The following ZNHIT2 variants were observed in gnomAD, a reference collection of about 807,000 sequenced individuals.
ZNHIT2 encodes the protein zinc finger HIT domain-containing protein 2.
ZNHIT2 carries 16 observed loss-of-function variants against 18.0 expected under a neutral mutation model. The ratio of observed to expected loss-of-function variants is 0.89; its 90% CI spans 0.60 to 1.35. The LOEUF (loss-of-function observed/expected upper bound fraction) is 1.35. ZNHIT2 is among the 40% of genes most tolerant of loss of function. ZNHIT2 has a pLI of 0.00. For synonymous variants in ZNHIT2, 336 were observed against 269.8 expected (o/e 1.25, Z -2.41); for missense variants, 631 against 566.4 (o/e 1.11, Z -1.16).
In ZNHIT2 at chr11:65,117,684, G is replaced by A. The variant is rs1360968854; in HGVS notation, c.-31C>T. ...CTGGCACCGCGATCTACCTGCGAAC[G>A]CACGCCGGTGGTAGTTCGAAACTTC... On this transcript the variant is annotated 5_prime_UTR_variant, in exon 1 of 1. Coordinates refer to ENST00000310597, the MANE Select transcript of ZNHIT2 (RefSeq NM_014205.4). 2.9e-6 allele frequency: 4 copies of A among 1,356,362 alleles called. No homozygotes were observed. Among genetic ancestry groups the A allele is most frequent in the South Asian group, 1.7e-5 (1 of 57,622 alleles). 84.0% of individuals were successfully genotyped at this position (1,356,362 alleles called of 1,614,324 possible).
At position 65,117,182 on chromosome 11, in the gene ZNHIT2, G is replaced by A. The variant is rs754148530; in HGVS notation, c.472C>T (p.Pro158Ser). 31 of 1,555,328 alleles carry A rather than the reference G, an allele frequency of 2.0e-5. No homozygotes were observed. The highest frequency in any genetic ancestry group is 2.7e-5 in the Non-Finnish European group (31 of 1,156,620). The change falls in exon 1 of 1, where the codon CCT becomes TCT. Residue 158 changes from proline to serine, a missense_variant. Pro to Ser is a moderately conservative substitution (Grantham distance 74). Transcript: ENST00000310597. ...GSDAAELELA[P>S]ARTPPDSVKD... ...ACAGAATCCGGCGGGGTCCTCGCAG[G>A]GGCGAGCTCCAGCTCCGCGGCGTCA...
At position 65,116,906 on chromosome 11, in the gene ZNHIT2, C is replaced by T; in HGVS notation, c.748G>A (p.Ala250Thr). 1 of 1,597,262 alleles carries T rather than the reference C, an allele frequency of 6.3e-7. No individual in the cohort carries two copies. The highest frequency in any genetic ancestry group is 8.5e-7 in the Non-Finnish European group (1 of 1,176,402). Residue 250 changes from alanine (A) to threonine (T), a missense_variant, in exon 1 of 1, where the codon GCC (alanine) becomes ACC (threonine). Physicochemically the swap from Ala to Thr is moderately conservative, Grantham distance 58. Transcript: ENST00000310597. ...GCGAAGACTTGCTGGGCACCCAGGG[C>T]TCCGGAAACGCCGAGCAGTGTGGCA... ...FCATLLGVSG[A>T]LGAQQVFASA...
chr11:65,117,634 C>G lies in ZNHIT2; in HGVS notation c.20G>C (p.Cys7Ser). Reference protein sequence around the residue: MEPAGPCGFCPAGEVQP... With the variant: MEPAGPSGFCPAGEVQP... ...GACCTCCCCCGCCGGGCAGAAGCCA[C>G]AGGGCCCGGCCGGCTCCATGGCAAC... Residue 7 changes from cysteine to serine, a missense_variant, in exon 1 of 1, where the codon TGT (cysteine) becomes TCT (serine). Physicochemically the swap from Cys to Ser is moderately radical, Grantham distance 112. Coordinates refer to ENST00000310597, the MANE Select transcript of ZNHIT2 (RefSeq NM_014205.4). 5 of 1,472,430 alleles carry G rather than the reference C, an allele frequency of 3.4e-6. No individual in the cohort carries two copies. The highest frequency in any genetic ancestry group is 4.5e-6 in the Non-Finnish European group (5 of 1,115,598). 91.2% of individuals were successfully genotyped at this position (1,472,430 alleles called of 1,614,324 possible).
Position 65,117,500 on chromosome 11 carries a change from CCAG to C in ZNHIT2, c.151_153del (p.Leu51del). 1 of 1,586,712 alleles carries C rather than the reference CCAG, an allele frequency of 6.3e-7. No homozygotes were observed. Among genetic ancestry groups the C allele is most frequent in the Non-Finnish European group, 8.5e-7 (1 of 1,174,496 alleles). On this transcript the variant is annotated inframe_deletion, in exon 1 of 1. Transcript: ENST00000310597. Reference sequence around the variant, plus strand: ...GGAGCGCTGCAACCGCGGAGCTCTCCCAGCACCTGGTCACGGTAGAAGTTTTCT... The same window carrying C: ...GGAGCGCTGCAACCGCGGAGCTCTCCCACCTGGTCACGGTAGAAGTTTTCT...
In ZNHIT2 at chr11:65,116,490, G is replaced by A; in HGVS notation, c.1164C>T (p.Gly388=). The A allele has an allele frequency of 2.0e-6, 3 of 1,519,404 alleles. No homozygotes were observed. The highest frequency in any genetic ancestry group is 2.6e-6 in the Non-Finnish European group (3 of 1,132,628). The allele number at this position is 1,519,404 out of a possible 1,614,324, so 94.1% of individuals were successfully genotyped here. A position where few individuals can be genotyped will look rare whatever the true frequency, so the allele number is the denominator to read the frequency against. ...LTGELERLWG[G]PVPPAPRTLI... ...GAGTTCTTGGGGCAGGTGGCACGGGGCCTCCCCAAAGCCGCTCCAGCTCCC... is the reference window on the plus strand; with the variant it reads ...GAGTTCTTGGGGCAGGTGGCACGGGACCTCCCCAAAGCCGCTCCAGCTCCC... The change falls in exon 1 of 1, where the codon GGC becomes GGT. Residue 388 remains glycine, a synonymous_variant. Transcript: ENST00000310597.
chr11:65,117,028 G>A lies in ZNHIT2; in HGVS notation c.626C>T (p.Pro209Leu), dbSNP rs201760469. Reference protein sequence around the residue: ...IVSLSRGPVSPLVRFQLPNVL... With the variant: ...IVSLSRGPVSLLVRFQLPNVL... ...ATTGGGCAGCTGGAAGCGCACGAGC[G>A]GCGAGACTGGGCCGCGGCTCAGGCT... The change falls in exon 1 of 1, where the codon CCG (proline) becomes CTG (leucine). Residue 209 changes from proline to leucine, a missense_variant. By Grantham distance (98) the Pro-to-Leu change is moderately conservative. Transcript: ENST00000310597. The A allele has an allele frequency of 1.1e-5, 17 of 1,596,570 alleles. No homozygotes were observed. The Admixed American group carries it at 1.4e-4, about 13-fold the overall frequency.
In ZNHIT2 at chr11:65,117,663, C is replaced by A; in HGVS notation, c.-10G>T. On this transcript the variant is annotated 5_prime_UTR_variant, in exon 1 of 1. Coordinates refer to ENST00000310597, the MANE Select transcript of ZNHIT2 (RefSeq NM_014205.4). The stretch of plus-strand genomic sequence containing the variant: ...GCCCGGCCGGCTCCATGGCAACTGG[C>A]ACCGCGATCTACCTGCGAACGCACG... 1 of 1,377,634 alleles carries A rather than the reference C, an allele frequency of 7.3e-7. No homozygotes were observed. 85.3% of individuals were successfully genotyped at this position (1,377,634 alleles called of 1,614,324 possible).
In ZNHIT2 at chr11:65,116,736, C is replaced by T; in HGVS notation, c.918G>A (p.Thr306=). Residue 306 remains threonine (T), a synonymous_variant, in exon 1 of 1, where the codon ACG becomes ACA. Transcript: ENST00000310597. ...GEGPTNQKGY[T]LAALGDLAQT... is the part of the protein sequence containing the mutation. ...GTGCCAGGTCCCCCAGTGCTGCCAG[C>T]GTGTAGCCTTTCTGGTTGGTCGGGC... is the stretch of plus-strand genomic sequence containing the variant. 1.9e-6 allele frequency: 3 copies of T among 1,612,054 alleles called. No homozygotes were observed. The highest frequency in any genetic ancestry group is 1.7e-6 in the Non-Finnish European group (2 of 1,178,690).
In ZNHIT2 at chr11:65,116,888, C is replaced by G; in HGVS notation, c.766G>C (p.Val256Leu). ...GVSGALGAQQ[V>L]FASAEEALQA... The stretch of plus-strand genomic sequence containing the variant: ...AGGGCTTCTTCCGCAGAGGCGAAGA[C>G]TTGCTGGGCACCCAGGGCTCCGGAA... Residue 256 changes from valine to leucine, a missense_variant, in exon 1 of 1, where the codon GTC becomes CTC. By Grantham distance (32) the Val-to-Leu change is conservative. Transcript: ENST00000310597. 6.2e-7 allele frequency: 1 copy of G among 1,600,580 alleles called. No individual in the cohort carries two copies. The highest frequency in any genetic ancestry group is 8.5e-7 in the Non-Finnish European group (1 of 1,177,712).
rs201336193 is a variant in ZNHIT2, at chr11:65,116,929, G to C, written c.725C>G (p.Ala242Gly). The change falls in exon 1 of 1, where the codon GCC becomes GGC. Residue 242 changes from alanine to glycine, a missense_variant. Ala to Gly is a moderately conservative substitution (Grantham distance 60, BLOSUM62 0). Transcript: ENST00000310597. ...GDDALLSDFC[A>G]TLLGVSGALG... The stretch of plus-strand genomic sequence containing the variant: ...GGCTCCGGAAACGCCGAGCAGTGTG[G>C]CACAGAAGTCAGAGAGCAGCGCGTC... 6.3e-7 allele frequency: 1 copy of C among 1,597,424 alleles called. No homozygotes were observed. Among genetic ancestry groups the C allele is most frequent in the Admixed American group, 1.7e-5 (1 of 59,578 alleles).
In ZNHIT2 at chr11:65,117,306, G is replaced by A. The variant is rs748414461; in HGVS notation, c.348C>T (p.Arg116=). Residue 116 remains arginine (R), a synonymous_variant, in exon 1 of 1, where the codon CGC becomes CGT. Coordinates refer to ENST00000310597, the MANE Select transcript of ZNHIT2 (RefSeq NM_014205.4). ...GAGGCAGCAGCCGCCCGGCCTCACC[G>A]CGGCTCAGCAGCCGCTCGAAGGCAG... The part of the protein sequence containing the change: ...EKAAFERLLS[R]GEAGRLLPPW... 2.0e-6 allele frequency: 3 copies of A among 1,489,382 alleles called. No individual in the cohort carries two copies. The highest frequency in any genetic ancestry group is 4.8e-5 in the Admixed American group (2 of 41,692). The allele number at this position is 1,489,382 out of a possible 1,614,324, so 92.3% of individuals were successfully genotyped here.
rs1241238658 is a variant in ZNHIT2 at position 65,117,474 on chromosome 11, A to C, written c.180T>G (p.Pro60=). The C allele has an allele frequency of 6.4e-7, 1 of 1,558,188 alleles. No individual in the cohort carries two copies. Among genetic ancestry groups the C allele is most frequent in the South Asian group, 1.2e-5 (1 of 85,420 alleles). Residue 60 remains proline, a synonymous_variant, in exon 1 of 1, where the codon CCT becomes CCG. Transcript: ENST00000310597. ...VLGELRGCSA[P]PSRLASALRR... is the part of the protein sequence containing the mutation. ...GTAGGGCGCTTGCTAGGCGGCTGGG[A>C]GGAGCGCTGCAACCGCGGAGCTCTC...
chr11:65,117,163 T>A lies in ZNHIT2; in HGVS notation c.491A>T (p.Asp164Val). 6.4e-7 allele frequency: 1 copy of A among 1,567,300 alleles called. No individual in the cohort carries two copies. The highest frequency in any genetic ancestry group is 8.6e-7 in the Non-Finnish European group (1 of 1,161,670). The change falls in exon 1 of 1, where the codon GAT becomes GTT. Residue 164 changes from aspartate (D) to valine (V), a missense_variant. Coordinates refer to ENST00000310597, the MANE Select transcript of ZNHIT2 (RefSeq NM_014205.4). The part of the protein sequence containing the change: ...LELAPARTPP[D>V]SVKDASAAEP... ...CGCGGCGGAGGCATCTTTCACAGAA[T>A]CCGGCGGGGTCCTCGCAGGGGCGAG...
rs1286569683 is a variant in ZNHIT2 at position 65,117,467 on chromosome 11, G to A, written c.187C>T (p.Arg63Cys). ...AGCCGGCGTAGGGCGCTTGCTAGGC[G>A]GCTGGGAGGAGCGCTGCAACCGCGG... ...ELRGCSAPPSRLASALRRLRQ... is the reference protein window; with the variant it reads ...ELRGCSAPPSCLASALRRLRQ... The change falls in exon 1 of 1, where the codon CGC becomes TGC. Residue 63 changes from arginine (R) to cysteine (C), a missense_variant. Coordinates refer to ENST00000310597, the MANE Select transcript of ZNHIT2 (RefSeq NM_014205.4). The A allele has an allele frequency of 6.5e-7, 1 of 1,549,632 alleles. No homozygotes were observed. Among genetic ancestry groups the A allele is most frequent in the Non-Finnish European group, 8.6e-7 (1 of 1,156,418 alleles).
chr11:65,116,681 C>A lies in ZNHIT2; in HGVS notation c.973G>T (p.Val325Leu). The A allele has an allele frequency of 6.2e-7, 1 of 1,613,968 alleles. No homozygotes were observed. Among genetic ancestry groups the A allele is most frequent in the Non-Finnish European group, 8.5e-7 (1 of 1,180,012 alleles). Reference sequence around the variant, plus strand: ...AGATGATCTCGCTCTTCTCTAGCCACGGCCTGTTTCCGGGCACGGCCCAGG... The same window carrying A: ...AGATGATCTCGCTCTTCTCTAGCCAAGGCCTGTTTCCGGGCACGGCCCAGG... Reference protein sequence around the residue: ...QTLGRARKQAVAREERDHLYR... With the variant: ...QTLGRARKQALAREERDHLYR... Residue 325 changes from valine to leucine, a missense_variant, in exon 1 of 1, where the codon GTG (valine) becomes TTG (leucine). Coordinates refer to ENST00000310597, the MANE Select transcript of ZNHIT2 (RefSeq NM_014205.4).
chr11:65,117,422 C>T lies in ZNHIT2; in HGVS notation c.232G>A (p.Glu78Lys). 6.7e-7 allele frequency: 1 copy of T among 1,496,564 alleles called. No individual in the cohort carries two copies. The allele number at this position is 1,496,564 out of a possible 1,614,324, so 92.7% of individuals were successfully genotyped here. Residue 78 changes from glutamate (E) to lysine (K), a missense_variant, in exon 1 of 1, where the codon GAG (glutamate) becomes AAG (lysine). Coordinates refer to ENST00000310597, the MANE Select transcript of ZNHIT2 (RefSeq NM_014205.4). The part of the protein sequence containing the change: ...LRRLRQQRET[E>K]DEPGEAGLSS... ...AGGCCTGCTTCCCCAGGCTCGTCCT[C>T]GGTCTCGCGTTGCTGACGCAGCCGG...
Position 65,117,641 on chromosome 11 carries a change from C to T in ZNHIT2, c.13G>A (p.Gly5Arg), listed in dbSNP as rs1018854834. The change falls in exon 1 of 1, where the codon GGG (glycine) becomes AGG (arginine). Residue 5 changes from glycine (G) to arginine (R), a missense_variant. Physicochemically the swap from Gly to Arg is moderately radical, Grantham distance 125. Coordinates refer to ENST00000310597, the MANE Select transcript of ZNHIT2 (RefSeq NM_014205.4). MEPA[G>R]PCGFCPAGEV... The stretch of plus-strand genomic sequence containing the variant: ...CCCGCCGGGCAGAAGCCACAGGGCC[C>T]GGCCGGCTCCATGGCAACTGGCACC... The T allele has an allele frequency of 2.8e-6, 4 of 1,437,998 alleles. No individual in the cohort carries two copies. The allele number at this position is 1,437,998 out of a possible 1,614,324, so 89.1% of individuals were successfully genotyped here.
rs1227501076 is a variant in ZNHIT2 at position 65,117,677 on chromosome 11, T to G, written c.-24A>C. 4 of 1,362,816 alleles carry G rather than the reference T, an allele frequency of 2.9e-6. No homozygotes were observed. The highest frequency in any genetic ancestry group is 3.6e-5 in the Admixed American group (1 of 27,718). 84.4% of individuals were successfully genotyped at this position (1,362,816 alleles called of 1,614,324 possible). ...ATGGCAACTGGCACCGCGATCTACC[T>G]GCGAACGCACGCCGGTGGTAGTTCG... On this transcript the variant is annotated 5_prime_UTR_variant, in exon 1 of 1. Coordinates refer to ENST00000310597, the MANE Select transcript of ZNHIT2 (RefSeq NM_014205.4).
chr11:65,116,437 C>G lies in ZNHIT2; in HGVS notation c.*5G>C. ...ACAGCTTTATTAATGACCAGGGTAA[C>G]CCGTTCAGCTAGGGAGCTCCTCAAT... On this transcript the variant is annotated 3_prime_UTR_variant, in exon 1 of 1. Transcript: ENST00000310597. 1 of 1,511,552 alleles carries G rather than the reference C, an allele frequency of 6.6e-7. No homozygotes were observed. Among genetic ancestry groups the G allele is most frequent in the Non-Finnish European group, 8.9e-7 (1 of 1,129,230 alleles). The allele number at this position is 1,511,552 out of a possible 1,614,324, so 93.6% of individuals were successfully genotyped here. A position where few individuals can be genotyped will look rare whatever the true frequency, so the allele number is the denominator to read the frequency against.
Sources: gnomAD v4.1 joint callset for allele counts on GRCh38, gnomAD v4.1.1 for gene constraint, MANE v1.5 for transcripts, NCBI Gene and HGNC (gene_info 2026-07-23, HGNC 2026-07-21) for gene names.